The following GABRB1 variants were observed in gnomAD, a reference collection of about 807,000 sequenced individuals.
GABRB1 encodes gamma-aminobutyric acid receptor subunit beta-1.
Under a neutral mutation model 51.6 loss-of-function variants are expected in GABRB1, and 17 were observed. The observed-to-expected ratio is 0.33, with a 90% CI of 0.23 to 0.49. GABRB1 has a LOEUF of 0.49. Among genes scored for constraint, GABRB1 ranks in the 20% least tolerant of loss-of-function variants. The pLI, the probability that GABRB1 is intolerant of heterozygous loss-of-function variation, is 0.99. For synonymous variants in GABRB1, 247 were observed against 218.9 expected (o/e 1.13, Z -1.14); for missense variants, 410 against 600.6 (o/e 0.68, Z 3.32).
chr4:47,034,454 C>T (rs552105751), intron 3 of GABRB1, among the ~76,000 whole-genome samples: 2 of 152,228 alleles, frequency 1.3e-5, no homozygotes, highest in South Asian at 2.1e-4. Context: ...CACAGCAACA[C>T]GTGTGTATGC....
intron 5 of GABRB1, among the ~76,000 whole-genome samples, chr4:47,339,712 G>A (rs1725815452): frequency 6.6e-6 from 1 of 152,172 alleles, no homozygotes; most frequent in African/African-American, 2.4e-5. Context: ...TTAGAAAGTG[G>A]CGAAGCCCAG....
intron 3 of GABRB1, among the ~76,000 whole-genome samples, chr4:47,071,122 T>A (rs1388359699): frequency 6.6e-6 from 1 of 152,218 alleles, no homozygotes; most frequent in Non-Finnish European, 1.5e-5. Context: ...TTCTTCCATA[T>A]CCTGTGCCAG....
At chr4:47,403,235 G>A in intron 5 of GABRB1, 83 bp from the exon 6 acceptor site, 2 of 1,501,910 alleles carry the variant, frequency 1.3e-6, no homozygotes, top group Middle Eastern at 2.4e-4. Flanking sequence ...CTTTTGTGCT[G>A]GGAATTTTTC....
intron 4 of GABRB1, among the ~76,000 whole-genome samples, chr4:47,244,492 A>G (rs575903567): frequency 2.6e-5 from 4 of 152,268 alleles, no homozygotes; most frequent in African/African-American, 9.6e-5. Flanking sequence ...GGTAGAATTC[A>G]GCTGTGAATC....
intron 5 of GABRB1, among the ~76,000 whole-genome samples, chr4:47,399,820 G>A (rs774539408): frequency 1.3e-5 from 2 of 152,164 alleles, no homozygotes; most frequent in Non-Finnish European, 1.5e-5. Context: ...TTGTGTATAA[G>A]AAGTTCAATA....
intron 4 of GABRB1, among the ~76,000 whole-genome samples, chr4:47,274,484 T>C (rs751574382): frequency 3.9e-5 from 6 of 152,160 alleles, no homozygotes; most frequent in Non-Finnish European, 7.3e-5. Context: ...TAGAAAGGGT[T>C]CTTTTCTATG....
chr4:47,195,950 T>C (rs540066954), intron 4 of GABRB1, among the ~76,000 whole-genome samples: 3 of 152,282 alleles, frequency 2.0e-5, no homozygotes, highest in East Asian at 1.9e-4. Context: ...TGATATAGAG[T>C]GAATAAGAAA....
At chr4:47,269,791 TAAA>T (rs1005928546) in intron 4 of GABRB1, among the ~76,000 whole-genome samples, 2 of 152,156 alleles carry the variant, frequency 1.3e-5, no homozygotes, top group African/African-American at 2.4e-5. Flanking sequence ...GTTATACTGA[TAAA>T]GAAGCTGAGA....
intron 5 of GABRB1, among the ~76,000 whole-genome samples, chr4:47,370,473 C>T (rs1289421455): frequency 2.2e-5 from 3 of 135,204 alleles, no homozygotes; most frequent in Admixed American, 7.7e-5. Flanking sequence ...GGCGACAGGA[C>T]GAGACTCCAT....
intron 3 of GABRB1, among the ~76,000 whole-genome samples, chr4:47,052,968 G>A (rs1253556346): frequency 1.3e-5 from 2 of 152,194 alleles, no homozygotes; most frequent in Non-Finnish European, 2.9e-5. Flanking sequence ...GTAGAATGAG[G>A]CGCTGTTGCA....
In GABRB1 at chr4:47,333,530, C is replaced by G. The variant is rs531560725; in HGVS notation, c.544+13321C>G. On this transcript the variant is annotated intron_variant, in intron 5 of 8. Coordinates refer to ENST00000295454, the MANE Select transcript of GABRB1 (RefSeq NM_000812.4). ...AGAAGTTCAAAACCAGCCTGGCCAA[C>G]CTGGCGAAACCCCATTTCTACTAAA... 1.1e-4 allele frequency among the ~76,000 whole-genome samples: 17 copies of G among 152,094 alleles called. No homozygotes were observed. In the East Asian group the frequency reaches 2.5e-3, roughly 22 times the overall value.
chr4:47,183,871 A>T (rs1027174587), intron 4 of GABRB1, among the ~76,000 whole-genome samples: 1 of 151,800 alleles, frequency 6.6e-6, no homozygotes, highest in Non-Finnish European at 1.5e-5. Context: ...AGCTTCTTTC[A>T]TGTCAAAAAC....
intron 8 of GABRB1, among the ~76,000 whole-genome samples, chr4:47,418,557 G>A (rs1274234330): frequency 1.3e-5 from 2 of 152,144 alleles, no homozygotes; most frequent in Non-Finnish European, 2.9e-5. Flanking sequence ...CTAAACTAGT[G>A]TTTGACCTAG....
rs370977779 is a variant in GABRB1 at position 47,139,941 on chromosome 4, T to G, written c.241-21308T>G. On this transcript the variant is annotated intron_variant, in intron 3 of 8. Transcript: ENST00000295454. ...AAGTAGCAACAAAAGTACATATAAT[T>G]TAAAAGTTTAAGTAAATAGTAAATC... is the stretch of plus-strand genomic sequence containing the variant. 6.6e-5 allele frequency among the ~76,000 whole-genome samples: 10 copies of G among 152,014 alleles called. No individual in the cohort carries two copies. The South Asian group carries it at 2.1e-3, about 32-fold the overall frequency.
chr4:47,289,007 G>T (rs1460001313), intron 4 of GABRB1, among the ~76,000 whole-genome samples: 2 of 151,996 alleles, frequency 1.3e-5, no homozygotes, highest in Non-Finnish European at 2.9e-5. Context: ...CAATATAGAT[G>T]AGTGAACAAG....
intron 4 of GABRB1, among the ~76,000 whole-genome samples, chr4:47,189,826 T>C (rs1322895760): frequency 6.6e-6 from 1 of 152,058 alleles, no homozygotes; most frequent in African/African-American, 2.4e-5. Context: ...TTCAATACTT[T>C]GTGGATTGAA....
intron 3 of GABRB1, among the ~76,000 whole-genome samples, chr4:47,089,190 T>C (rs1560528814): frequency 6.6e-6 from 1 of 152,202 alleles, no homozygotes; most frequent in Non-Finnish European, 1.5e-5. Flanking sequence ...GGATCTCTAG[T>C]TTGCAGTCTG....
rs146889103 is a variant in GABRB1 at position 47,357,713 on chromosome 4, A to G, written c.544+37504A>G. The stretch of plus-strand genomic sequence containing the variant: ...AGTGTTGATGGTACAAGTAATGTTC[A>G]GAGAGCTGCAGTGAGGTATTCCTGA... On this transcript the variant is annotated intron_variant, in intron 5 of 8. Coordinates refer to ENST00000295454, the MANE Select transcript of GABRB1 (RefSeq NM_000812.4). 1.8e-4 allele frequency among the ~76,000 whole-genome samples: 27 copies of G among 152,306 alleles called. No individual in the cohort carries two copies. The East Asian group carries it at 3.5e-3, about 20-fold the overall frequency.
At chr4:47,246,886 C>T (rs970745352) in intron 4 of GABRB1, among the ~76,000 whole-genome samples, 2 of 151,064 alleles carry the variant, frequency 1.3e-5, no homozygotes, top group African/African-American at 4.9e-5. Context: ...TTTTTTCTTG[C>T]TGATTTGTTT....
Sources: gnomAD v4.1 joint callset for allele counts (sites outside exome capture counted in the v4.1 genomes callset) on GRCh38, gnomAD v4.1.1 for gene constraint, MANE v1.5 for transcripts, NCBI Gene and HGNC (gene_info 2026-07-23, HGNC 2026-07-21) for gene names.